Variants in DOT1L observed in about 807,000 individuals in gnomAD.
DOT1L encodes histone-lysine N-methyltransferase, H3 lysine-79 specific.
DOT1L carries 33 observed loss-of-function variants against 153.3 expected under a neutral mutation model. The observed-to-expected ratio is 0.22, with a 90% CI of 0.16 to 0.29. The LOEUF (loss-of-function observed/expected upper bound fraction) is 0.29, where lower values mean the gene tolerates loss of function less well. Among genes scored for constraint, DOT1L ranks in the 10% least tolerant of loss-of-function variants. DOT1L has a pLI of 1.00. For missense variants in DOT1L, 1,847 were observed against 2,119.9 expected (o/e 0.87, Z 2.53); for synonymous variants, 1,135 against 965.1 (o/e 1.18, Z -3.26).
At chr19:2,212,653 A>G (rs1463528589) in intron 16 of DOT1L, 2 of 152,270 alleles carry the variant, frequency 1.3e-5, no homozygotes, top group South Asian at 4.1e-4. Context: ...GGTGAGGGCA[A>G]CTAAGCCGGG....
chr19:2,192,064 T>C (rs572466616), intron 5 of DOT1L, among the ~76,000 whole-genome samples: 5 of 152,050 alleles, frequency 3.3e-5, no homozygotes, highest in Non-Finnish European at 7.4e-5. Flanking sequence ...CCACAGTGTC[T>C]AGGCTGTCCC....
At chr19:2,215,694 G>T (rs1160811860) in intron 19 of DOT1L, 1 of 152,336 alleles carries the variant, frequency 6.6e-6, no homozygotes, top group Non-Finnish European at 1.5e-5. Context: ...GCCCAGGCGA[G>T]CCTCACCAGC....
intron 24 of DOT1L, 123 bp from the exon 25 acceptor site, chr19:2,223,158 A>T: frequency 9.7e-7 from 1 of 1,027,910 alleles, no homozygotes; most frequent in Non-Finnish European, 1.4e-6. Flanking sequence ...GCCGCTGGGC[A>T]GGGCATCAGT....
In DOT1L at chr19:2,220,370, C is replaced by T. The variant is rs1391294756; in HGVS notation, c.2806+148C>T. The T allele has an allele frequency of 2.5e-6, 2 of 789,068 alleles. No individual in the cohort carries two copies. Among genetic ancestry groups the T allele is most frequent in the South Asian group, 1.5e-5 (1 of 68,614 alleles). 48.9% of individuals were successfully genotyped at this position (789,068 alleles called of 1,614,324 possible). A position where few individuals can be genotyped will look rare whatever the true frequency, so the allele number is the denominator to read the frequency against. Reference sequence around the variant, plus strand: ...AAACCGCCACGCCTCATTACTGACACCCTTTCCTGCATCCCACGAGCTGGG... The same window carrying T: ...AAACCGCCACGCCTCATTACTGACATCCTTTCCTGCATCCCACGAGCTGGG... On this transcript the variant is annotated intron_variant, in intron 23 of 27. Transcript: ENST00000398665. The surrounding 1 kb of genome is among the most constrained non-coding windows in gnomAD (Gnocchi z 4.5).
chr19:2,179,599 G>A (rs1411893054), intron 1 of DOT1L, among the ~76,000 whole-genome samples: 1 of 152,192 alleles, frequency 6.6e-6, no homozygotes, highest in Non-Finnish European at 1.5e-5. Context: ...CCTGAGGTAA[G>A]GATTTCGAGA....
rs926945524 is a variant in DOT1L, at chr19:2,222,920, G to A, written c.3390+361G>A. The stretch of plus-strand genomic sequence containing the variant: ...AAAAAAAAACAGGTGGAGGCAGGGG[G>A]CCATGACTGAGCCCGGCCATCCTCC... On this transcript the variant is annotated intron_variant, in intron 24 of 27. Coordinates refer to ENST00000398665, the MANE Select transcript of DOT1L (RefSeq NM_032482.3). The surrounding 1 kb of genome is among the most constrained non-coding windows in gnomAD (Gnocchi z 6.5). 1 of 430,120 alleles carries A rather than the reference G, an allele frequency of 2.3e-6. No individual in the cohort carries two copies. 26.6% of individuals were successfully genotyped at this position (430,120 alleles called of 1,614,324 possible).
chr19:2,214,084 C>T lies in DOT1L; in HGVS notation c.1797+98C>T, dbSNP rs532419006. ...GGGTGGGAGGCTCTGGAAGGCCCGC[C>T]TCTGTTGTGGGGTTTGTTCCCAGAC... On this transcript the variant is annotated intron_variant, in intron 18 of 27. Transcript: ENST00000398665. 1.3e-4 allele frequency: 188 copies of T among 1,494,438 alleles called. No homozygotes were observed. The East Asian group carries it at 4.4e-3, about 35-fold the overall frequency. The allele number at this position is 1,494,438 out of a possible 1,614,324, so 92.6% of individuals were successfully genotyped here.
At chr19:2,228,794 G>A in intron 27 of DOT1L, 1 of 985,420 alleles carries the variant, frequency 1.0e-6, no homozygotes, top group Non-Finnish European at 1.2e-6. Context: ...CTGTTCCCCA[G>A]GCGCCCAGCA....
At chr19:2,196,424 CT>C (rs917361776) in intron 7 of DOT1L, among the ~76,000 whole-genome samples, 43 of 152,364 alleles carry the variant, frequency 2.8e-4, no homozygotes, top group Admixed American at 1.8e-3. Context: ...CCTCCGCCCC[CT>C]GGGTTCAAGT....
At chr19:2,205,738 G>A (rs1372528775) in intron 9 of DOT1L, among the ~76,000 whole-genome samples, 4 of 152,116 alleles carry the variant, frequency 2.6e-5, no homozygotes, top group African/African-American at 9.7e-5. Flanking sequence ...CCTTGGCCCA[G>A]GCTGGAGTGC....
Position 2,223,278 on chromosome 19 carries a change from C to T in DOT1L, c.3391-3C>T. 1.2e-6 allele frequency: 2 copies of T among 1,613,334 alleles called. No individual in the cohort carries two copies. Among genetic ancestry groups the T allele is most frequent in the Non-Finnish European group, 1.7e-6 (2 of 1,179,886 alleles). On this transcript the variant is annotated splice_polypyrimidine_tract_variant and splice_region_variant and intron_variant, in intron 24 of 27. Coordinates refer to ENST00000398665, the MANE Select transcript of DOT1L (RefSeq NM_032482.3). ...TGCATCCATTGTGTCTGTCTGCCCT[C>T]AGGTCAGTAACATCAACCAGCCCCT...
At chr19:2,187,705 G>A (rs181206464) in intron 3 of DOT1L, among the ~76,000 whole-genome samples, 2 of 152,146 alleles carry the variant, frequency 1.3e-5, no homozygotes, top group African/African-American at 4.8e-5. Flanking sequence ...GATGGATCAC[G>A]AGGTCAGGAG....
At position 2,217,635 on chromosome 19, in the gene DOT1L, T is replaced by TG; in HGVS notation, c.2545-133dup. 2.4e-6 allele frequency: 3 copies of TG among 1,269,820 alleles called. No homozygotes were observed. Among genetic ancestry groups the TG allele is most frequent in the Non-Finnish European group, 3.2e-6 (3 of 927,900 alleles). 78.7% of individuals were successfully genotyped at this position (1,269,820 alleles called of 1,614,324 possible). A position where few individuals can be genotyped will look rare whatever the true frequency, so the allele number is the denominator to read the frequency against. On this transcript the variant is annotated intron_variant, in intron 21 of 27. Coordinates refer to ENST00000398665, the MANE Select transcript of DOT1L (RefSeq NM_032482.3). This position sits in a 1 kb window ranked among gnomAD's most constrained non-coding sequence, Gnocchi z 7.3. ...CGGTGTCCAGGAGGGCCTGACTGCG[T>TG]GGGGAAGGTTGCAGGGCCTTGGCAG...
At chr19:2,201,456 G>A (rs972763045) in intron 8 of DOT1L, among the ~76,000 whole-genome samples, 3 of 152,228 alleles carry the variant, frequency 2.0e-5, no homozygotes, top group African/African-American at 7.2e-5. Context: ...CCTCGGGTGT[G>A]CTCGTGGCTT....
intron 1 of DOT1L, among the ~76,000 whole-genome samples, chr19:2,171,049 G>T (rs1203312369): frequency 6.6e-6 from 1 of 152,124 alleles, no homozygotes; most frequent in Non-Finnish European, 1.5e-5. Context: ...TGCATTCTCC[G>T]CCTCCCAGGC....
intron 16 of DOT1L, 175 bp from the exon 17 acceptor site, chr19:2,213,364 C>T (rs890160150): frequency 1.7e-6 from 1 of 592,288 alleles, no homozygotes; most frequent in Non-Finnish European, 2.9e-6. Context: ...CAGAGCTGGT[C>T]CCCTCCCGCC....
Position 2,193,842 on chromosome 19 carries a change from G to A in DOT1L, c.588+59G>A, listed in dbSNP as rs542110756. The stretch of plus-strand genomic sequence containing the variant: ...GCAGGGGACCATCAGAGAAAGTGAC[G>A]CCCTGGGTGCCTGCACCCCACTGCT... On this transcript the variant is annotated intron_variant, in intron 6 of 27. Transcript: ENST00000398665. This position sits in a 1 kb window ranked among gnomAD's most constrained non-coding sequence, Gnocchi z 5.9. 4.5e-6 allele frequency: 7 copies of A among 1,547,248 alleles called. No homozygotes were observed. The South Asian group carries it at 5.7e-5, about 13-fold the overall frequency.
In DOT1L at chr19:2,227,054, G is replaced by A. The variant is rs754523759; in HGVS notation, c.4533G>A (p.Ser1511=). 11 of 1,574,296 alleles carry A rather than the reference G, an allele frequency of 7.0e-6. No homozygotes were observed. The highest frequency in any genetic ancestry group is 1.4e-5 in the African/African-American group (1 of 73,892). The change falls in exon 27 of 28, where the codon TCG becomes TCA. Residue 1511 remains serine (S), a synonymous_variant. Transcript: ENST00000398665. ...CCGCCGCAGGCCTGGTGCACGTGTCGTCCGCTGCCACCAGACTGACCAACT... is the reference window on the plus strand; with the variant it reads ...CCGCCGCAGGCCTGGTGCACGTGTCATCCGCTGCCACCAGACTGACCAACT... ...VPAAAGLVHV[S]SAATRLTNSH... is the part of the protein sequence containing the mutation.
At position 2,216,459 on chromosome 19, in the gene DOT1L, T is replaced by G; in HGVS notation, c.2102T>G (p.Leu701Arg). The change falls in exon 20 of 28, where the codon CTG (leucine) becomes CGG (arginine). Residue 701 changes from leucine to arginine, a missense_variant. Around this residue, in one of 8 missense-constraint regions of DOT1L, gnomAD observed 281 missense variants for 263.6 expected, o/e 1.07. Transcript: ENST00000398665. ...HLELDCTKFS[L>R]PHLSSMSPEL... The stretch of plus-strand genomic sequence containing the variant: ...GAGCTGGACTGCACCAAGTTCTCGC[T>G]GCCTCACTTGAGCAGCATGAGCCCG... 1 of 1,612,680 alleles carries G rather than the reference T, an allele frequency of 6.2e-7. No homozygotes were observed. The highest frequency in any genetic ancestry group is 1.7e-4 in the Middle Eastern group (1 of 6,022).
Sources: gnomAD v4.1 joint callset for allele counts (sites outside exome capture counted in the v4.1 genomes callset) on GRCh38, gnomAD v4.1.1 for gene constraint, gnomAD v4.1.1 regional missense constraint, Gnocchi (gnomAD v3.1) non-coding constraint, MANE v1.5 for transcripts, NCBI Gene and HGNC (gene_info 2026-07-23, HGNC 2026-07-21) for gene names.